USP54: variants seen among roughly 807,000 people sequenced by gnomAD.
The protein encoded by USP54 is ubiquitin carboxyl-terminal hydrolase 54.
Under a neutral mutation model 170.5 loss-of-function variants are expected in USP54, and 87 were observed. That is an observed-to-expected ratio of 0.51 (90% confidence interval 0.43 to 0.61). USP54 has a LOEUF of 0.61. Ranked by LOEUF, USP54 falls within the 20% of genes least tolerant of loss-of-function variation. The probability of loss-of-function intolerance (pLI) is 0.00; values close to 1 mark genes in which losing one functional copy is unlikely to be tolerated. For synonymous variants in USP54, 655 were observed against 742.8 expected, an observed-to-expected ratio of 0.88 and a Z score of 1.92; for missense variants, 1,786 against 2,047.8, an observed-to-expected ratio of 0.87 and a Z score of 2.47.
In USP54 at chr10:73,516,790, A is replaced by G; in HGVS notation, c.3636T>C (p.Ser1212=). ...STEHSSLALN[S]GLPNGETSSG... ...TAGAAGTTTCACCATTAGGCAGCCCAGAGTTTAAGGCAAGAGAAGAATGTT... is the reference window on the plus strand; with the variant it reads ...TAGAAGTTTCACCATTAGGCAGCCCGGAGTTTAAGGCAAGAGAAGAATGTT... Residue 1212 remains serine, a synonymous_variant, in exon 20 of 24, where the codon TCT becomes TCC. Coordinates refer to ENST00000687698, the MANE Select transcript of USP54 (RefSeq NM_001391956.1). The G allele has an allele frequency of 6.2e-7, 1 of 1,614,204 alleles. No homozygotes were observed. Among genetic ancestry groups the G allele is most frequent in the Middle Eastern group, 1.6e-4 (1 of 6,062 alleles).
intron 1 of USP54, among the ~76,000 whole-genome samples, chr10:73,584,739 G>C (rs1322206180): frequency 6.6e-6 from 1 of 151,960 alleles, no homozygotes; most frequent in Non-Finnish European, 1.5e-5. Context: ...CCTAAAAATA[G>C]AGTGAAAGGA....
chr10:73,557,589 G>A (rs532437228), intron 4 of USP54, among the ~76,000 whole-genome samples: 293 of 151,806 alleles, frequency 1.9e-3, no homozygotes, highest in South Asian at 3.3e-3. Flanking sequence ...GGGTTCAAGC[G>A]ATTCTCCTGC....
In USP54 at chr10:73,516,962, A is replaced by G. The variant is rs766162537; in HGVS notation, c.3464T>C (p.Leu1155Ser). The change falls in exon 20 of 24, where the codon TTG becomes TCG. Residue 1155 changes from leucine to serine, a missense_variant. By Grantham distance (145) the Leu-to-Ser change is moderately radical (BLOSUM62 -2). Around this residue, in one of 3 missense-constraint regions of USP54, gnomAD observed 1,418 missense variants for 1,569.0 expected, o/e 0.90. Coordinates refer to ENST00000687698, the MANE Select transcript of USP54 (RefSeq NM_001391956.1). ...RDSTGFKDRS[L>S]SGSLRKNSSP... Reference sequence around the variant, plus strand: ...AGAGTTCTTCCTTAGACTACCTGACAAACTTCTATCCTTGAAACCTGTACT... The same window carrying G: ...AGAGTTCTTCCTTAGACTACCTGACGAACTTCTATCCTTGAAACCTGTACT... 7.4e-6 allele frequency: 12 copies of G among 1,614,056 alleles called. No individual in the cohort carries two copies. The East Asian group carries it at 1.8e-4, about 24-fold the overall frequency.
chr10:73,526,615 C>A, intron 16 of USP54, 32 bp downstream of exon 16: 2 of 1,611,576 alleles, frequency 1.2e-6, no homozygotes, highest in South Asian at 1.1e-5. Flanking sequence ...CCGGTCAAAT[C>A]CAGTCCTCAA....
chr10:73,524,647 C>T (rs528729736), intron 16 of USP54, among the ~76,000 whole-genome samples: 2 of 152,258 alleles, frequency 1.3e-5, no homozygotes, highest in Admixed American at 6.5e-5. Context: ...AATAGTATTA[C>T]GCTGAACATT....
Position 73,505,382 on chromosome 10 carries a change from G to T in USP54, c.4096C>A (p.Pro1366Thr). 6.2e-7 allele frequency: 1 copy of T among 1,614,086 alleles called. No individual in the cohort carries two copies. The highest frequency in any genetic ancestry group is 1.6e-4 in the Middle Eastern group (1 of 6,062). Reference protein sequence around the residue: ...MGRRLHSAHDPGLSKTSTAEM... With the variant: ...MGRRLHSAHDTGLSKTSTAEM... Reference sequence around the variant, plus strand: ...GCTGTTGAAGTCTTTGAGAGACCAGGATCATGGGCTGAGTGCAACCTCCTC... The same window carrying T: ...GCTGTTGAAGTCTTTGAGAGACCAGTATCATGGGCTGAGTGCAACCTCCTC... The change falls in exon 21 of 24, where the codon CCT (proline) becomes ACT (threonine). Residue 1366 changes from proline (P) to threonine (T), a missense_variant. Around this residue, in one of 3 missense-constraint regions of USP54, gnomAD observed 1,418 missense variants for 1,569.0 expected, o/e 0.90. Transcript: ENST00000687698.
At chr10:73,622,096 A>G (rs2081139619) in intron 1 of USP54, among the ~76,000 whole-genome samples, 1 of 152,148 alleles carries the variant, frequency 6.6e-6, no homozygotes, top group Non-Finnish European at 1.5e-5. Flanking sequence ...TAAATTTCCC[A>G]CACCAATCTC....
intron 1 of USP54, among the ~76,000 whole-genome samples, chr10:73,599,351 G>A (rs1206998438): frequency 1.3e-5 from 2 of 152,106 alleles, no homozygotes; most frequent in African/African-American, 4.8e-5. Context: ...TTCAAAAATA[G>A]AAACAGAAGT....
At chr10:73,554,589 GA>G (rs968646345) in intron 4 of USP54, among the ~76,000 whole-genome samples, 6 of 152,070 alleles carry the variant, frequency 3.9e-5, no homozygotes, top group African/African-American at 1.4e-4. Flanking sequence ...AATAACATAG[GA>G]TTTTAACATT....
intron 20 of USP54, among the ~76,000 whole-genome samples, chr10:73,511,892 GCCACAATA>G (rs969768487): frequency 1.3e-5 from 2 of 150,658 alleles, no homozygotes; most frequent in Admixed American, 1.3e-4. Context: ...ACAGGCACGT[GCCACAATA>G]CCCGGCTAAT....
intron 1 of USP54, among the ~76,000 whole-genome samples, chr10:73,623,849 G>T (rs2132374001): frequency 6.6e-6 from 1 of 152,130 alleles, no homozygotes; most frequent in East Asian, 1.9e-4. Context: ...GTATCCTGAA[G>T]GCTTAGCAAT....
At chr10:73,513,731 G>A (rs1391226026) in intron 20 of USP54, among the ~76,000 whole-genome samples, 1 of 152,140 alleles carries the variant, frequency 6.6e-6, no homozygotes, top group Non-Finnish European at 1.5e-5. Flanking sequence ...CATTAAGAGT[G>A]AGATTATCAG....
At chr10:73,543,223 C>T in intron 5 of USP54, 92 bp from the exon 6 acceptor site, 1 of 845,442 alleles carries the variant, frequency 1.2e-6, no homozygotes, top group Non-Finnish European at 1.9e-6. Context: ...AACAGCAACC[C>T]TTCTGGAAGG....
chr10:73,559,130 G>T (rs1038862278), intron 4 of USP54, among the ~76,000 whole-genome samples: 2 of 152,106 alleles, frequency 1.3e-5, no homozygotes, highest in African/African-American at 2.4e-5. Flanking sequence ...TACAAAACAA[G>T]AATTTTACAA....
At chr10:73,580,567 T>G (rs1319608284) in intron 1 of USP54, among the ~76,000 whole-genome samples, 2 of 151,734 alleles carry the variant, frequency 1.3e-5, no homozygotes, top group Non-Finnish European at 2.9e-5. Context: ...TTGCTTATTT[T>G]ATTTATTTAT....
chr10:73,608,388 T>C (rs775950278), intron 1 of USP54, among the ~76,000 whole-genome samples: 5 of 152,144 alleles, frequency 3.3e-5, no homozygotes, highest in Non-Finnish European at 7.4e-5. Flanking sequence ...TGAACAATAT[T>C]TGAAATAACT....
chr10:73,510,743 C>T (rs998201401), intron 20 of USP54, among the ~76,000 whole-genome samples: 1 of 151,934 alleles, frequency 6.6e-6, no homozygotes, highest in Non-Finnish European at 1.5e-5. Flanking sequence ...GTCACTGTGC[C>T]CGGCCTACTC....
chr10:73,556,422 C>T (rs1487580590), intron 4 of USP54, among the ~76,000 whole-genome samples: 3 of 150,572 alleles, frequency 2.0e-5, no homozygotes, highest in Non-Finnish European at 4.4e-5. Context: ...TTTCGGTTCA[C>T]TGCAACCTCC....
chr10:73,526,590 C>A, intron 16 of USP54, 57 bp downstream of exon 16: 1 of 1,603,014 alleles, frequency 6.2e-7, no homozygotes, highest in South Asian at 1.1e-5. Context: ...TAAGTCTGGT[C>A]CCCAGACAAA....
Sources: allele counts gnomAD v4.1 joint callset (sites outside exome capture counted in the v4.1 genomes callset), GRCh38; gene constraint gnomAD v4.1.1; regional missense constraint gnomAD v4.1.1; transcripts MANE v1.5; gene names NCBI Gene and HGNC (gene_info 2026-07-23, HGNC 2026-07-21).